PPP1R14C: variants seen among roughly 807,000 people sequenced by gnomAD.
PPP1R14C encodes protein phosphatase 1 regulatory inhibitor subunit 14C.
In PPP1R14C, 16 loss-of-function variants were observed where a neutral mutation model predicts 20.4. The observed-to-expected ratio is 0.78, with a 90% confidence interval of 0.53 to 1.19. PPP1R14C has a LOEUF of 1.19. PPP1R14C is among the 50% of genes most tolerant of loss of function. The pLI, the probability that PPP1R14C is intolerant of heterozygous loss-of-function variation, is 0.00. For synonymous variants in PPP1R14C, 91 were observed against 91.0 expected, an observed-to-expected ratio of 1.00 and a Z score of 0.00; for missense variants, 211 against 220.1, an observed-to-expected ratio of 0.96 and a Z score of 0.26.
intron 1 of PPP1R14C, among the ~76,000 whole-genome samples, chr6:150,183,274 T>A (rs1050135669): frequency 6.6e-6 from 1 of 152,166 alleles, no homozygotes; most frequent in Non-Finnish European, 1.5e-5. Flanking sequence ...TTTTCTTTAG[T>A]ACAATCATCC....
intron 3 of PPP1R14C, among the ~76,000 whole-genome samples, chr6:150,244,776 A>G (rs1222341314): frequency 6.6e-6 from 1 of 152,252 alleles, no homozygotes; most frequent in African/African-American, 2.4e-5. Context: ...GGGTGGGAAC[A>G]CATTTGCTGG....
At chr6:150,240,626 G>T (rs1361138446) in intron 3 of PPP1R14C, among the ~76,000 whole-genome samples, 1 of 152,200 alleles carries the variant, frequency 6.6e-6, no homozygotes, top group African/African-American at 2.4e-5. Context: ...TGACCAGTCT[G>T]ATTGTTTGCG....
intron 1 of PPP1R14C, among the ~76,000 whole-genome samples, chr6:150,148,654 G>A (rs566308184): frequency 1.3e-5 from 2 of 152,174 alleles, no homozygotes; most frequent in Non-Finnish European, 2.9e-5. Flanking sequence ...CTTAGAACTC[G>A]TCTTGTGGAT....
chr6:150,228,181 C>T (rs1002848905), intron 3 of PPP1R14C, among the ~76,000 whole-genome samples: 2 of 152,168 alleles, frequency 1.3e-5, no homozygotes, highest in Non-Finnish European at 1.5e-5. Context: ...TGAAGACATG[C>T]AGTCATGAAG....
chr6:150,227,827 T>C (rs1276259297), intron 3 of PPP1R14C, among the ~76,000 whole-genome samples: 2 of 152,212 alleles, frequency 1.3e-5, no homozygotes, highest in African/African-American at 2.4e-5. Context: ...AATGTTTTAG[T>C]GTCATTGGGC....
chr6:150,168,152 T>C (rs1384494871), intron 1 of PPP1R14C, among the ~76,000 whole-genome samples: 2 of 56,818 alleles, frequency 3.5e-5, no homozygotes, highest in Non-Finnish European at 8.8e-5. Context: ...CAGCGTCCCT[T>C]TTTTTTTTTT....
Position 150,248,759 on chromosome 6 carries a change from A to T in PPP1R14C, c.437A>T (p.Glu146Val). The change falls in exon 4 of 4, where the codon GAG (glutamate) becomes GTG (valine). Residue 146 changes from glutamate (E) to valine (V), a missense_variant. Glu to Val is a moderately radical substitution (Grantham distance 121). Transcript: ENST00000361131. ...GATCTCTTTTAGGAATTTATCAAAG[A>T]GCTGCTTTCTCGGATAAGAGGCATG... ...CYKPTEEFIK[E>V]LLSRIRGMRK... 1 of 1,611,434 alleles carries T rather than the reference A, an allele frequency of 6.2e-7. No homozygotes were observed. Among genetic ancestry groups the T allele is most frequent in the South Asian group, 1.1e-5 (1 of 91,000 alleles).
intron 3 of PPP1R14C, among the ~76,000 whole-genome samples, chr6:150,221,272 T>G (rs1383704001): frequency 6.6e-6 from 1 of 152,214 alleles, no homozygotes; most frequent in African/African-American, 2.4e-5. Context: ...AGGGTTTGGG[T>G]AGCTTGCCCG....
At chr6:150,243,441 G>A (rs1086205) in intron 3 of PPP1R14C, among the ~76,000 whole-genome samples, 68,401 of 151,894 alleles carry the variant, frequency 0.45, 16,510 homozygotes, top group African/African-American at 0.63. Flanking sequence ...GCCTCCCAAA[G>A]TGTTGGGATT....
intron 1 of PPP1R14C, among the ~76,000 whole-genome samples, chr6:150,147,171 T>C (rs1249629606): frequency 1.3e-5 from 2 of 151,478 alleles, no homozygotes; most frequent in Non-Finnish European, 2.9e-5. Flanking sequence ...GTGGGTTTTT[T>C]TTGTTTTGTT....
chr6:150,213,691 T>C (rs1778055771), intron 1 of PPP1R14C, among the ~76,000 whole-genome samples: 1 of 152,234 alleles, frequency 6.6e-6, no homozygotes, highest in Non-Finnish European at 1.5e-5. Context: ...CTGAGAGGTA[T>C]AGAGAAGACT....
At chr6:150,191,043 C>T (rs2114887639) in intron 1 of PPP1R14C, among the ~76,000 whole-genome samples, 1 of 152,306 alleles carries the variant, frequency 6.6e-6, no homozygotes, top group East Asian at 1.9e-4. Flanking sequence ...TTGCCCTTCA[C>T]TCTCTCTGCT....
intron 1 of PPP1R14C, among the ~76,000 whole-genome samples, chr6:150,151,347 A>T (rs1390349313): frequency 1.3e-5 from 2 of 152,126 alleles, no homozygotes; most frequent in African/African-American, 4.8e-5. Flanking sequence ...CCAGCCCAAG[A>T]TTACGTGGCA....
rs11962944 is a variant in PPP1R14C at position 150,157,569 on chromosome 6, C to G, written c.306+14071C>G. 8.4e-3 allele frequency among the ~76,000 whole-genome samples: 1,274 copies of G among 152,190 alleles called. 16 individuals are homozygous for G. Among genetic ancestry groups the G allele is most frequent in the African/African-American group, 0.029 (1,224 of 41,498 alleles). On this transcript the variant is annotated intron_variant, in intron 1 of 3. Coordinates refer to ENST00000361131, the MANE Select transcript of PPP1R14C (RefSeq NM_030949.3). Reference sequence around the variant, plus strand: ...GACTGGGTGATTTATCAAGAAAGAGCCTTATTTGGCTCATGATTCTGGAGG... The same window carrying G: ...GACTGGGTGATTTATCAAGAAAGAGGCTTATTTGGCTCATGATTCTGGAGG...
chr6:150,149,443 ATTTTTTTTTTTCTTT>A (rs1386635294), intron 1 of PPP1R14C, among the ~76,000 whole-genome samples: 4 of 119,948 alleles, frequency 3.3e-5, no homozygotes, highest in African/African-American at 1.3e-4. Flanking sequence ...CTCCCACCTA[ATTTTTTTTTTTCTTT>A]TTTTTTTTTT....
intron 3 of PPP1R14C, among the ~76,000 whole-genome samples, chr6:150,219,415 C>T (rs1034919918): frequency 3.3e-5 from 5 of 151,920 alleles, no homozygotes; most frequent in African/African-American, 1.2e-4. Context: ...GGGGTTTTGC[C>T]ATGTTGGCCA....
intron 1 of PPP1R14C, chr6:150,196,246 G>T: frequency 2.2e-6 from 1 of 454,330 alleles, no homozygotes; most frequent in Non-Finnish European, 2.9e-6. Flanking sequence ...TAAATCTTCA[G>T]CCCTGCTTGC....
At chr6:150,215,309 C>T (rs1223315897) in intron 2 of PPP1R14C, among the ~76,000 whole-genome samples, 1 of 152,236 alleles carries the variant, frequency 6.6e-6, no homozygotes, top group East Asian at 1.9e-4. Flanking sequence ...GTGCTCACCT[C>T]ATAGCATTCC....
At chr6:150,220,218 T>A (rs1316185539) in intron 3 of PPP1R14C, among the ~76,000 whole-genome samples, 1 of 152,200 alleles carries the variant, frequency 6.6e-6, no homozygotes, top group Non-Finnish European at 1.5e-5. Context: ...AGATTTTTCT[T>A]CTGAATCTGT....
Sources: allele counts gnomAD v4.1 joint callset (sites outside exome capture counted in the v4.1 genomes callset), GRCh38; gene constraint gnomAD v4.1.1; transcripts MANE v1.5; gene names NCBI Gene and HGNC (gene_info 2026-07-23, HGNC 2026-07-21).